The following GALNT13 variants were observed in gnomAD, a reference collection of about 807,000 sequenced individuals.
The protein encoded by GALNT13 is polypeptide N-acetylgalactosaminyltransferase 13, also known as UDP-GalNAc:polypeptide N-acetylgalactosaminyltransferase 13.
A neutral mutation model predicts 64.2 loss-of-function variants in GALNT13; 28 were observed. That is an observed-to-expected ratio of 0.44 (90% CI 0.32 to 0.60). GALNT13 has a LOEUF of 0.60. GALNT13 is among the 20% of genes least tolerant of loss of function. The pLI, the probability that GALNT13 is intolerant of heterozygous loss-of-function variation, is 0.05. For missense variants in GALNT13, 577 were observed against 669.8 expected (o/e 0.86, Z 1.53); for synonymous variants, 214 against 224.6 (o/e 0.95, Z 0.42).
rs569341595 is a variant in GALNT13, at chr2:154,044,282, A to G, written c.143-96055A>G. ...AACTAATGAAATGTGTGAAATTAACAGATATTAATTTTATGGAAAGATAAA... is the reference window on the plus strand; with the variant it reads ...AACTAATGAAATGTGTGAAATTAACGGATATTAATTTTATGGAAAGATAAA... On this transcript the variant is annotated intron_variant, in intron 3 of 12. Transcript: ENST00000392825. 2.0e-5 allele frequency among the ~76,000 whole-genome samples: 3 copies of G among 152,292 alleles called. No homozygotes were observed. In the East Asian group the frequency reaches 5.8e-4, roughly 29 times the overall value.
chr2:153,755,370 A>G, the GALNT13 span, among the ~76,000 whole-genome samples: 3 of 152,058 alleles, frequency 2.0e-5, no homozygotes, highest in African/African-American at 4.8e-5. Flanking sequence ...ATTCCTATCA[A>G]CTGAGTAATC....
chr2:154,147,714 G>C (rs1023282959), intron 4 of GALNT13, among the ~76,000 whole-genome samples: 6 of 151,762 alleles, frequency 4.0e-5, no homozygotes, highest in Non-Finnish European at 8.8e-5. Context: ...TTGTTTGTTT[G>C]TTTTTGCAAA....
At chr2:153,743,198 A>G in the GALNT13 span, among the ~76,000 whole-genome samples, 2 of 152,110 alleles carry the variant, frequency 1.3e-5, no homozygotes. Context: ...GGTTGTGTTA[A>G]TTAAAATTCT....
chr2:153,727,412 T>A, the GALNT13 span, among the ~76,000 whole-genome samples: 1 of 152,244 alleles, frequency 6.6e-6, no homozygotes, highest in African/African-American at 2.4e-5. Context: ...TACTTTTTTT[T>A]ATTCTTTTCT....
intron 3 of GALNT13, among the ~76,000 whole-genome samples, chr2:154,071,086 A>T (rs2105389500): frequency 6.6e-6 from 1 of 152,274 alleles, no homozygotes; most frequent in Admixed American, 6.5e-5. Context: ...CTAATCAATC[A>T]GGGCCATACT....
chr2:153,582,102 T>G, the GALNT13 span, among the ~76,000 whole-genome samples: 1 of 152,168 alleles, frequency 6.6e-6, no homozygotes, highest in Non-Finnish European at 1.5e-5. Flanking sequence ...AAGAACTTCT[T>G]GAATATCCGC....
the GALNT13 span, among the ~76,000 whole-genome samples, chr2:153,241,315 T>C: frequency 1.3e-5 from 2 of 152,140 alleles, no homozygotes; most frequent in Admixed American, 6.5e-5. Flanking sequence ...TGGGAGAAAG[T>C]TTGAGACTTG....
chr2:153,395,476 T>C, the GALNT13 span, among the ~76,000 whole-genome samples: 1 of 152,118 alleles, frequency 6.6e-6, no homozygotes, highest in Admixed American at 6.6e-5. Context: ...GGTATTCCAT[T>C]TGGACACCCT....
the GALNT13 span, among the ~76,000 whole-genome samples, chr2:153,564,310 C>T: frequency 6.6e-6 from 1 of 151,996 alleles, no homozygotes; most frequent in Non-Finnish European, 1.5e-5. Flanking sequence ...CTATCCTCTC[C>T]ATTTTCACAA....
At chr2:153,163,193 G>C in the GALNT13 span, among the ~76,000 whole-genome samples, 1 of 151,970 alleles carries the variant, frequency 6.6e-6, no homozygotes, top group Non-Finnish European at 1.5e-5. Flanking sequence ...ATAAAATAAG[G>C]TCCCACTTGT....
At chr2:153,398,903 G>T in the GALNT13 span, among the ~76,000 whole-genome samples, 6 of 124,556 alleles carry the variant, frequency 4.8e-5, no homozygotes, top group Non-Finnish European at 6.6e-5. Context: ...AGTTTCTTTT[G>T]CTGTGCAGAA....
At chr2:153,674,368 A>G in the GALNT13 span, among the ~76,000 whole-genome samples, 12 of 152,290 alleles carry the variant, frequency 7.9e-5, no homozygotes, top group East Asian at 3.9e-4. Context: ...AGACCAATGG[A>G]ACAGAACAGA....
At chr2:153,535,951 C>CTCTACCTATCCAGTGAAAGTA in the GALNT13 span, among the ~76,000 whole-genome samples, 1 of 152,136 alleles carries the variant, frequency 6.6e-6, no homozygotes, top group Non-Finnish European at 1.5e-5. Flanking sequence ...TAGGAAAGGA[C>CTCTACCTATCCAGTGAAAGTA]TCTACCTATC....
chr2:153,348,412 T>C, the GALNT13 span, among the ~76,000 whole-genome samples: 2 of 152,218 alleles, frequency 1.3e-5, no homozygotes, highest in Non-Finnish European at 2.9e-5. Flanking sequence ...TTCTAAGGTA[T>C]ACTTTGTGAA....
At chr2:153,499,011 C>T in the GALNT13 span, among the ~76,000 whole-genome samples, 1 of 152,154 alleles carries the variant, frequency 6.6e-6, no homozygotes, top group Non-Finnish European at 1.5e-5. Flanking sequence ...CCACGCCTGG[C>T]AAATCTTTGG....
At chr2:153,702,348 G>T in the GALNT13 span, among the ~76,000 whole-genome samples, 1 of 152,054 alleles carries the variant, frequency 6.6e-6, no homozygotes, top group East Asian at 1.9e-4. Flanking sequence ...CCTGCTGAGG[G>T]TTAGGGGCAA....
chr2:153,577,035 G>A, the GALNT13 span, among the ~76,000 whole-genome samples: 2 of 152,100 alleles, frequency 1.3e-5, no homozygotes, highest in Non-Finnish European at 2.9e-5. Context: ...GAACGGATAT[G>A]TGTGTATGTG....
chr2:154,346,081 A>C (rs1457812874), intron 9 of GALNT13, among the ~76,000 whole-genome samples: 4 of 152,012 alleles, frequency 2.6e-5, no homozygotes, highest in Admixed American at 2.0e-4. Flanking sequence ...ACTCAGGTTC[A>C]AGCCTAGCTC....
At chr2:154,007,669 A>G (rs542790855) in intron 3 of GALNT13, among the ~76,000 whole-genome samples, 3 of 152,086 alleles carry the variant, frequency 2.0e-5, no homozygotes, top group African/African-American at 7.2e-5. Context: ...ATGTTAGAGT[A>G]TAGGATAAAG....
Sources: gnomAD v4.1 joint callset for allele counts (sites outside exome capture counted in the v4.1 genomes callset) on GRCh38, gnomAD v4.1.1 for gene constraint, MANE v1.5 for transcripts, NCBI Gene and HGNC (gene_info 2026-07-23, HGNC 2026-07-21) for gene names.